Variants in LRP5 observed in about 807,000 individuals in gnomAD.
LRP5 encodes the protein low-density lipoprotein receptor-related protein 5.
In LRP5, 62 loss-of-function variants were observed where a neutral mutation model predicts 154.1. The observed-to-expected ratio is 0.40, with a 90% CI of 0.33 to 0.50. The LOEUF is 0.50. LRP5 is among the 20% of genes least tolerant of loss of function. LRP5 has a pLI of 0.55. For missense variants in LRP5, 1,915 were observed against 2,336.7 expected (o/e 0.82, Z 3.72); for synonymous variants, 966 against 1,011.5 (o/e 0.96, Z 0.85).
chr11:68,350,953 C>T (rs1356856257), intron 2 of LRP5, among the ~76,000 whole-genome samples: 3 of 151,816 alleles, frequency 2.0e-5, no homozygotes, highest in South Asian at 2.1e-4. Flanking sequence ...TGTGTGTGTC[C>T]GTGTGTGTGC....
rs771896111 is a variant in LRP5 at position 68,357,761 on chromosome 11, G to A, written c.600G>A (p.Leu200=). ...CGGACATTTACTGGCCCAATGGACT[G>A]ACCATCGACCTGGAGGAGCAGAAGC... The part of the protein sequence containing the change: ...VDSDIYWPNG[L]TIDLEEQKLY... The change falls in exon 3 of 23, where the codon CTG becomes CTA. Residue 200 remains leucine, a synonymous_variant. Transcript: ENST00000294304. 1.2e-6 allele frequency: 2 copies of A among 1,614,122 alleles called. No homozygotes were observed. The highest frequency in any genetic ancestry group is 1.3e-5 in the African/African-American group (1 of 75,062).
At position 68,312,899 on chromosome 11, in the gene LRP5, G is replaced by C; in HGVS notation, c.91+94G>C. ...AGTGCGCGGGCGCCGCCGCCGTCTCGGAAGCGACTTGGCGAGTTGGGAGCG... is the reference window on the plus strand; with the variant it reads ...AGTGCGCGGGCGCCGCCGCCGTCTCCGAAGCGACTTGGCGAGTTGGGAGCG... On this transcript the variant is annotated intron_variant, in intron 1 of 22. Transcript: ENST00000294304. 7.3e-6 allele frequency: 5 copies of C among 687,154 alleles called. No individual in the cohort carries two copies. The South Asian group carries it at 3.1e-4, about 42-fold the overall frequency. The allele number at this position is 687,154 out of a possible 1,614,324, so 42.6% of individuals were successfully genotyped here.
Position 68,357,181 on chromosome 11 carries a change from C to T in LRP5, c.489-469C>T, listed in dbSNP as rs570592322. 1.2e-3 allele frequency among the ~76,000 whole-genome samples: 184 copies of T among 152,244 alleles called. 1 individual carries two copies. The highest frequency in any genetic ancestry group is 6.8e-3 in the Middle Eastern group (2 of 294). On this transcript the variant is annotated intron_variant, in intron 2 of 22. Coordinates refer to ENST00000294304, the MANE Select transcript of LRP5 (RefSeq NM_002335.4). The stretch of plus-strand genomic sequence containing the variant: ...TGATCTCCCGACCTCGTGATCCACC[C>T]GCCTTGGCCTCCCAAAGTGCTGGGA...
At chr11:68,377,511 T>C (rs2098638028) in intron 5 of LRP5, among the ~76,000 whole-genome samples, 1 of 152,230 alleles carries the variant, frequency 6.6e-6, no homozygotes, top group Non-Finnish European at 1.5e-5. Context: ...TATGGTCACT[T>C]GGCACAGGAT....
chr11:68,432,130 G>A (rs920906881), intron 17 of LRP5, among the ~76,000 whole-genome samples: 1 of 152,090 alleles, frequency 6.6e-6, no homozygotes, highest in Admixed American at 6.5e-5. Context: ...AGCCGGGCGC[G>A]CCCCTGGCTC....
intron 1 of LRP5, among the ~76,000 whole-genome samples, chr11:68,344,112 G>A (rs1465285833): frequency 6.6e-6 from 1 of 152,136 alleles, no homozygotes; most frequent in Non-Finnish European, 1.5e-5. Flanking sequence ...GGCTGGGTAG[G>A]GGTGGAGCCT....
chr11:68,446,529 T>A lies in LRP5; in HGVS notation c.4582T>A (p.Tyr1528Asn), dbSNP rs776243782. The A allele has an allele frequency of 6.2e-7, 1 of 1,613,386 alleles. No individual in the cohort carries two copies. The highest frequency in any genetic ancestry group is 8.5e-7 in the Non-Finnish European group (1 of 1,179,382). Reference sequence around the variant, plus strand: ...AAACATTCCGGCCACTGCGAGACCGTACAGGTAGGACATCCCCTGCAGCCC... The same window carrying A: ...AAACATTCCGGCCACTGCGAGACCGAACAGGTAGGACATCCCCTGCAGCCC... ...SSNIPATARP[Y>N]RPYIIRGMAP... The change falls in exon 22 of 23, where the codon TAC (tyrosine) becomes AAC (asparagine). Residue 1528 changes from tyrosine to asparagine, a missense_variant. Coordinates refer to ENST00000294304, the MANE Select transcript of LRP5 (RefSeq NM_002335.4).
intron 2 of LRP5, among the ~76,000 whole-genome samples, chr11:68,350,903 T>C (rs901059633): frequency 1.3e-5 from 2 of 152,054 alleles, no homozygotes; most frequent in Non-Finnish European, 2.9e-5. Flanking sequence ...TGTGTGTGTG[T>C]GTGTGCGTGT....
At position 68,357,760 on chromosome 11, in the gene LRP5, T is replaced by A; in HGVS notation, c.599T>A (p.Leu200Gln). The change falls in exon 3 of 23, where the codon CTG becomes CAG. Residue 200 changes from leucine (L) to glutamine (Q), a missense_variant. Physicochemically the swap from Leu to Gln is moderately radical, Grantham distance 113. Around this residue, in one of 3 missense-constraint regions of LRP5, gnomAD observed 773 missense variants for 1,100.9 expected, o/e 0.70. Coordinates refer to ENST00000294304, the MANE Select transcript of LRP5 (RefSeq NM_002335.4). ...TCGGACATTTACTGGCCCAATGGAC[T>A]GACCATCGACCTGGAGGAGCAGAAG... Reference protein sequence around the residue: ...VDSDIYWPNGLTIDLEEQKLY... With the variant: ...VDSDIYWPNGQTIDLEEQKLY... 6.2e-7 allele frequency: 1 copy of A among 1,614,166 alleles called. No homozygotes were observed. Among genetic ancestry groups the A allele is most frequent in the Non-Finnish European group, 8.5e-7 (1 of 1,179,990 alleles).
chr11:68,327,257 C>T (rs146432437), intron 1 of LRP5, among the ~76,000 whole-genome samples: 148 of 152,298 alleles, frequency 9.7e-4, no homozygotes, highest in African/African-American at 3.4e-3. Context: ...CTCTTCGTTC[C>T]ATTTCCTCAC....
chr11:68,403,716 C>T lies in LRP5; in HGVS notation c.1801+17C>T. ...AGGTCGTCGGTGAGTCCGGGGGGTCCCAAGCCATGGCTCAGCCATGCAGAC... is the reference window on the plus strand; with the variant it reads ...AGGTCGTCGGTGAGTCCGGGGGGTCTCAAGCCATGGCTCAGCCATGCAGAC... On this transcript the variant is annotated intron_variant, in intron 8 of 22. Coordinates refer to ENST00000294304, the MANE Select transcript of LRP5 (RefSeq NM_002335.4). 1.2e-6 allele frequency: 2 copies of T among 1,612,438 alleles called. No homozygotes were observed. The highest frequency in any genetic ancestry group is 8.5e-7 in the Non-Finnish European group (1 of 1,179,836).
At chr11:68,421,571 C>T (rs936945065) in intron 13 of LRP5, among the ~76,000 whole-genome samples, 9 of 152,134 alleles carry the variant, frequency 5.9e-5, no homozygotes, top group Non-Finnish European at 1.3e-4. Context: ...GGCTTTGACA[C>T]ATGGCCCCCT....
rs576118 is a variant in LRP5, at chr11:68,410,240, G to A, written c.2318+100G>A. On this transcript the variant is annotated intron_variant, in intron 10 of 22. Transcript: ENST00000294304. ...GTGGCAGGCTGTCCGTGTGGCCCTC[G>A]GTGATTAGAGCTGTACTGACGTCAT... is the stretch of plus-strand genomic sequence containing the variant. 0.75 allele frequency: 701,558 copies of A among 933,354 alleles called. 266,910 individuals are homozygous for A. The highest frequency in any genetic ancestry group is 0.84 in the South Asian group (59,798 of 71,526). The allele number at this position is 933,354 out of a possible 1,614,324, so 57.8% of individuals were successfully genotyped here.
chr11:68,343,098 C>T (rs2098610091), intron 1 of LRP5, among the ~76,000 whole-genome samples: 1 of 152,226 alleles, frequency 6.6e-6, no homozygotes, highest in East Asian at 1.9e-4. Context: ...TGGGATCCTC[C>T]AGCATCAGAG....
At chr11:68,398,219 C>T (rs1266244183) in intron 7 of LRP5, among the ~76,000 whole-genome samples, 2 of 152,126 alleles carry the variant, frequency 1.3e-5, no homozygotes, top group Non-Finnish European at 2.9e-5. Flanking sequence ...CAGGGTTCTT[C>T]ATAAAAACAC....
At chr11:68,342,794 G>A (rs1016261199) in intron 1 of LRP5, among the ~76,000 whole-genome samples, 1 of 152,200 alleles carries the variant, frequency 6.6e-6, no homozygotes, top group Non-Finnish European at 1.5e-5. Flanking sequence ...CTCCATCTCT[G>A]GCCTTTGAAG....
chr11:68,390,005 C>T lies in LRP5; in HGVS notation c.1537C>T (p.Gln513Ter). The stretch of plus-strand genomic sequence containing the variant: ...GCCCAACGGCCTGGCCCTGGACCTG[C>T]AGGAGGGGAAGCTCTACTGGGGAGA... ...GWPNGLALDLQEGKLYWGDAK... is the reference protein window; with the variant it reads ...GWPNGLALDL The change falls in exon 7 of 23, where the codon CAG (glutamine) becomes TAG (stop). Residue 513 changes from glutamine (Q) to a stop codon, truncating the protein, a stop_gained. Coordinates refer to ENST00000294304, the MANE Select transcript of LRP5 (RefSeq NM_002335.4). LOFTEE classifies it high-confidence loss of function. 1 of 1,614,164 alleles carries T rather than the reference C, an allele frequency of 6.2e-7. No homozygotes were observed. The highest frequency in any genetic ancestry group is 8.5e-7 in the Non-Finnish European group (1 of 1,180,048).
chr11:68,350,403 A>AGCCC (rs1452766492), intron 2 of LRP5, among the ~76,000 whole-genome samples: 1 of 152,202 alleles, frequency 6.6e-6, no homozygotes, highest in East Asian at 1.9e-4. Context: ...CTGCCACAGG[A>AGCCC]GCCCGCCTGC....
intron 21 of LRP5, among the ~76,000 whole-genome samples, chr11:68,440,641 C>T (rs1194481489): frequency 6.6e-6 from 1 of 152,182 alleles, no homozygotes; most frequent in Non-Finnish European, 1.5e-5. Flanking sequence ...AGCTGTATGC[C>T]CCTAAGGTGA....
Sources: allele counts gnomAD v4.1 joint callset (sites outside exome capture counted in the v4.1 genomes callset), GRCh38; gene constraint gnomAD v4.1.1; regional missense constraint gnomAD v4.1.1; transcripts MANE v1.5; gene names NCBI Gene and HGNC (gene_info 2026-07-23, HGNC 2026-07-21).